The following ATR variants were observed in gnomAD, a reference collection of about 807,000 sequenced individuals.
ATR encodes the protein ATR checkpoint kinase, also known as serine/threonine-protein kinase ATR.
A neutral mutation model predicts 305.3 loss-of-function variants in ATR; 142 were observed. That is an observed-to-expected ratio of 0.47 (90% CI 0.41 to 0.53). The LOEUF is 0.53. Ranked by LOEUF, ATR falls within the 20% of genes least tolerant of loss-of-function variation. The pLI is 0.00. For missense variants in ATR, 2,135 were observed against 3,133.1 expected (o/e 0.68, Z 7.60); for synonymous variants, 1,050 against 1,068.1 (o/e 0.98, Z 0.33).
At chr3:142,516,233 T>C (rs140681577) in intron 24 of ATR, among the ~76,000 whole-genome samples, 1 of 152,282 alleles carries the variant, frequency 6.6e-6, no homozygotes, top group African/African-American at 2.4e-5. Flanking sequence ...TGTATGGTCC[T>C]TCACTTCTAG....
rs1177434168 is a variant in ATR, at chr3:142,452,477, C to G, written c.7761+651G>C. 2 of 787,788 alleles carry G rather than the reference C, an allele frequency of 2.5e-6. 1 individual carries two copies. Among genetic ancestry groups the G allele is most frequent in the Non-Finnish European group, 3.1e-6 (2 of 649,368 alleles). 48.8% of individuals were successfully genotyped at this position (787,788 alleles called of 1,614,324 possible). Reference sequence around the variant, plus strand: ...ATCACTTGAAGCCAGGGGTTCAAGACCAGCCTGGCCAACATGGTGAAACCC... The same window carrying G: ...ATCACTTGAAGCCAGGGGTTCAAGAGCAGCCTGGCCAACATGGTGAAACCC... On this transcript the variant is annotated intron_variant, in intron 46 of 46. Coordinates refer to ENST00000350721, the MANE Select transcript of ATR (RefSeq NM_001184.4).
intron 10 of ATR, 41 bp from the exon 11 acceptor site, chr3:142,554,056 A>C: frequency 6.7e-7 from 1 of 1,495,790 alleles, no homozygotes; most frequent in Non-Finnish European, 9.2e-7. Flanking sequence ...TAACATATTA[A>C]ATGTCAAGGT....
intron 36 of ATR, among the ~76,000 whole-genome samples, chr3:142,480,812 G>A (rs890848391): frequency 4.6e-5 from 7 of 152,206 alleles, no homozygotes; most frequent in Non-Finnish European, 1.0e-4. Context: ...CAGCCTTGCT[G>A]CCGCCTTGCA....
chr3:142,515,825 G>A (rs187903875), intron 24 of ATR, among the ~76,000 whole-genome samples: 19 of 152,170 alleles, frequency 1.2e-4, no homozygotes, highest in Admixed American at 3.9e-4. Flanking sequence ...CTCATTATGG[G>A]TAACTATGCA....
At chr3:142,476,278 G>T (rs1007834933) in intron 36 of ATR, among the ~76,000 whole-genome samples, 56 of 152,162 alleles carry the variant, frequency 3.7e-4, no homozygotes, top group Non-Finnish European at 6.3e-4. Context: ...CGTATAAGGT[G>T]TAAGGAAGGA....
chr3:142,537,728 A>AT (rs1425409056), intron 19 of ATR, among the ~76,000 whole-genome samples: 4 of 152,148 alleles, frequency 2.6e-5, no homozygotes, highest in African/African-American at 9.7e-5. Flanking sequence ...TATATACAAC[A>AT]TTAAGTAAAA....
chr3:142,538,374 C>A, intron 19 of ATR, 108 bp downstream of exon 19: 2 of 1,236,432 alleles, frequency 1.6e-6, no homozygotes. Flanking sequence ...TATTGATAAA[C>A]CCTGAAATTC....
chr3:142,553,248 C>G lies in ATR; in HGVS notation c.2784G>C (p.Gln928His). 1 of 1,614,114 alleles carries G rather than the reference C, an allele frequency of 6.2e-7. No homozygotes were observed. Among genetic ancestry groups the G allele is most frequent in the East Asian group, 2.2e-5 (1 of 44,876 alleles). The change falls in exon 13 of 47, where the codon CAG (glutamine) becomes CAC (histidine). Residue 928 changes from glutamine (Q) to histidine (H), a missense_variant. Physicochemically the swap from Gln to His is conservative, Grantham distance 24. This residue lies in a region of ATR where 530 missense variants were observed against 766.8 expected (regional missense o/e 0.69). Coordinates refer to ENST00000350721, the MANE Select transcript of ATR (RefSeq NM_001184.4). ...KSVKLQSFFS[Q>H]YKKPICQFLV... is the part of the protein sequence containing the mutation. Reference sequence around the variant, plus strand: ...TTACCTGACAGATGGGTTTCTTATACTGGCTGAAAAAACTTTGCAGTTTAA... The same window carrying G: ...TTACCTGACAGATGGGTTTCTTATAGTGGCTGAAAAAACTTTGCAGTTTAA...
chr3:142,572,226 C>T (rs1483062850), intron 1 of ATR, among the ~76,000 whole-genome samples: 2 of 151,818 alleles, frequency 1.3e-5, no homozygotes, highest in Admixed American at 6.6e-5. Context: ...CGTGCCACCA[C>T]GCCCGGCTAA....
chr3:142,500,862 A>G (rs2031921147), intron 30 of ATR, among the ~76,000 whole-genome samples: 1 of 152,226 alleles, frequency 6.6e-6, no homozygotes, highest in African/African-American at 2.4e-5. Context: ...AAATCTCAGT[A>G]GAATTAGGCA....
intron 32 of ATR, among the ~76,000 whole-genome samples, chr3:142,497,646 C>A (rs2031724898): frequency 6.6e-6 from 1 of 151,726 alleles, no homozygotes; most frequent in South Asian, 2.1e-4. Flanking sequence ...TAGGGATTTG[C>A]AGTGAATCCC....
chr3:142,528,439 A>C (rs2033487795), intron 21 of ATR, among the ~76,000 whole-genome samples: 1 of 152,102 alleles, frequency 6.6e-6, no homozygotes, highest in Non-Finnish European at 1.5e-5. Flanking sequence ...TTAAGCATTA[A>C]AAAGTATCCA....
chr3:142,478,863 T>C (rs997123620), intron 36 of ATR, among the ~76,000 whole-genome samples: 1 of 152,174 alleles, frequency 6.6e-6, no homozygotes, highest in Non-Finnish European at 1.5e-5. Context: ...TTGTCTCTTT[T>C]GATCTTTGTT....
intron 46 of ATR, chr3:142,451,647 A>G (rs2070792656): frequency 1.6e-6 from 2 of 1,229,756 alleles, no homozygotes; most frequent in Non-Finnish European, 2.1e-6. Flanking sequence ...TGGTGTCATC[A>G]TAGCTCACAG....
intron 34 of ATR, among the ~76,000 whole-genome samples, chr3:142,493,685 T>C (rs2031420079): frequency 6.6e-6 from 1 of 151,070 alleles, no homozygotes; most frequent in South Asian, 2.1e-4. Flanking sequence ...CTGGGCAACA[T>C]AGCAAGATCC....
rs1398506667 is a variant in ATR at position 142,465,029 on chromosome 3, T to C, written c.7041+68A>G. 9 of 1,104,478 alleles carry C rather than the reference T, an allele frequency of 8.1e-6. 1 individual carries two copies. Among genetic ancestry groups the C allele is most frequent in the Non-Finnish European group, 1.1e-5 (9 of 845,808 alleles). 68.4% of individuals were successfully genotyped at this position (1,104,478 alleles called of 1,614,324 possible). On this transcript the variant is annotated intron_variant, in intron 41 of 46. Transcript: ENST00000350721. ...CTCTGAAATAAAAGCAATCTGGTTTTATAATAGTCAAAAATTTTTTTAAAA... is the reference window on the plus strand; with the variant it reads ...CTCTGAAATAAAAGCAATCTGGTTTCATAATAGTCAAAAATTTTTTTAAAA...
intron 39 of ATR, among the ~76,000 whole-genome samples, chr3:142,466,759 T>C (rs1458999710): frequency 1.3e-5 from 2 of 152,172 alleles, no homozygotes; most frequent in African/African-American, 4.8e-5. Flanking sequence ...TATAATCTAT[T>C]ATCAAATATT....
chr3:142,455,652 A>C (rs1279090384), intron 45 of ATR, among the ~76,000 whole-genome samples: 2 of 152,248 alleles, frequency 1.3e-5, no homozygotes, highest in Non-Finnish European at 1.5e-5. Flanking sequence ...TATTCTTTTC[A>C]AAAAATGGTG....
intron 21 of ATR, among the ~76,000 whole-genome samples, chr3:142,534,514 T>G (rs1253321516): frequency 6.6e-6 from 1 of 152,192 alleles, no homozygotes; most frequent in Non-Finnish European, 1.5e-5. Flanking sequence ...GTTCTAGATA[T>G]GCAAAAATGA....
Sources: gnomAD v4.1 joint callset for allele counts (sites outside exome capture counted in the v4.1 genomes callset) on GRCh38, gnomAD v4.1.1 for gene constraint, gnomAD v4.1.1 regional missense constraint, MANE v1.5 for transcripts, NCBI Gene and HGNC (gene_info 2026-07-23, HGNC 2026-07-21) for gene names.